RBMS1: variants seen among roughly 807,000 people sequenced by gnomAD.
The protein encoded by RBMS1 is RNA binding motif single stranded interacting protein 1, also known as RNA-binding motif, single-stranded-interacting protein 1.
RBMS1 carries 17 observed loss-of-function variants against 62.3 expected under a neutral mutation model. The ratio of observed to expected loss-of-function variants is 0.27; its 90% CI spans 0.19 to 0.41. The LOEUF (loss-of-function observed/expected upper bound fraction) is 0.41, where lower values mean the gene tolerates loss of function less well. Among genes scored for constraint, RBMS1 ranks in the 10% least tolerant of loss-of-function variants. RBMS1 has a pLI of 1.00. For synonymous variants in RBMS1, 172 were observed against 170.0 expected (o/e 1.01, Z -0.09); for missense variants, 334 against 504.5 (o/e 0.66, Z 3.24).
At chr2:160,432,164 G>A (rs1182149444) in intron 1 of RBMS1, among the ~76,000 whole-genome samples, 1 of 152,110 alleles carries the variant, frequency 6.6e-6, no homozygotes, top group East Asian at 1.9e-4. Flanking sequence ...AAGATACAAA[G>A]AAGAATCTGA....
At chr2:160,293,184 T>C (rs1574227931) in intron 6 of RBMS1, among the ~76,000 whole-genome samples, 1 of 152,310 alleles carries the variant, frequency 6.6e-6, no homozygotes, top group East Asian at 1.9e-4. Flanking sequence ...AGAGAAATAT[T>C]AAGGGAACAA....
intron 1 of RBMS1, among the ~76,000 whole-genome samples, chr2:160,430,926 G>T (rs891214312): frequency 3.3e-5 from 5 of 151,570 alleles, no homozygotes; most frequent in Non-Finnish European, 7.4e-5. Context: ...TTAGCACCAG[G>T]TCCTTTGCAT....
intron 1 of RBMS1, among the ~76,000 whole-genome samples, chr2:160,473,152 T>C (rs1170647022): frequency 6.6e-6 from 1 of 152,210 alleles, no homozygotes; most frequent in African/African-American, 2.4e-5. Flanking sequence ...CCTTGATTAG[T>C]GCAGATTGCT....
intron 1 of RBMS1, among the ~76,000 whole-genome samples, chr2:160,424,151 T>C (rs2105274371): frequency 6.6e-6 from 1 of 151,972 alleles, no homozygotes; most frequent in Middle Eastern, 3.4e-3. Context: ...CCCAAGTAGC[T>C]GGGATTACAG....
intron 2 of RBMS1, among the ~76,000 whole-genome samples, chr2:160,335,769 TC>T (rs1453940042): frequency 6.6e-6 from 1 of 152,182 alleles, no homozygotes; most frequent in African/African-American, 2.4e-5. Flanking sequence ...GTTCTTAGCT[TC>T]CCTTTGTGTC....
At chr2:160,442,497 A>T (rs905020549) in intron 1 of RBMS1, among the ~76,000 whole-genome samples, 1 of 152,238 alleles carries the variant, frequency 6.6e-6, no homozygotes, top group South Asian at 2.1e-4. Context: ...TTTCTGCTGC[A>T]TTCAACATTC....
intron 1 of RBMS1, among the ~76,000 whole-genome samples, chr2:160,413,913 A>C (rs1696119393): frequency 6.6e-6 from 1 of 152,208 alleles, no homozygotes; most frequent in Non-Finnish European, 1.5e-5. Context: ...CTTTGACTCC[A>C]AAGTCCCCTG....
At chr2:160,324,097 A>G (rs557545727) in intron 2 of RBMS1, among the ~76,000 whole-genome samples, 1 of 152,360 alleles carries the variant, frequency 6.6e-6, no homozygotes, top group Admixed American at 6.5e-5. Flanking sequence ...TACAAAAGAA[A>G]CACAAGCTTA....
chr2:160,304,247 C>T (rs1689366823), intron 4 of RBMS1, among the ~76,000 whole-genome samples: 1 of 152,082 alleles, frequency 6.6e-6, no homozygotes, highest in African/African-American at 2.4e-5. Context: ...TTCAGCTTTC[C>T]TACTTAAGCA....
chr2:160,331,586 AAGG>A (rs1691277000), intron 2 of RBMS1, among the ~76,000 whole-genome samples: 1 of 152,208 alleles, frequency 6.6e-6, no homozygotes, highest in Non-Finnish European at 1.5e-5. Flanking sequence ...ATTCAGAAGA[AAGG>A]AGTGGAGGAA....
chr2:160,323,745 G>C (rs1239669107), intron 2 of RBMS1, among the ~76,000 whole-genome samples: 1 of 151,974 alleles, frequency 6.6e-6, no homozygotes, highest in Non-Finnish European at 1.5e-5. Flanking sequence ...ATCCACTCCA[G>C]AGCAAGCTCT....
At chr2:160,308,792 C>G (rs1689691565) in intron 4 of RBMS1, among the ~76,000 whole-genome samples, 1 of 152,134 alleles carries the variant, frequency 6.6e-6, no homozygotes, top group South Asian at 2.1e-4. Flanking sequence ...CATTTTCAAC[C>G]TGGGGGAAAG....
intron 1 of RBMS1, among the ~76,000 whole-genome samples, chr2:160,486,932 G>A (rs1364497416): frequency 6.6e-6 from 1 of 152,238 alleles, no homozygotes; most frequent in Admixed American, 6.5e-5. Flanking sequence ...TTATATTTCT[G>A]TATAACCACT....
chr2:160,345,796 T>C (rs1158081020), intron 2 of RBMS1, among the ~76,000 whole-genome samples: 1 of 152,096 alleles, frequency 6.6e-6, no homozygotes, highest in Non-Finnish European at 1.5e-5. Context: ...GTTAAATATT[T>C]TGATGATCAC....
chr2:160,439,182 C>A (rs1263504067), intron 1 of RBMS1, among the ~76,000 whole-genome samples: 1 of 151,060 alleles, frequency 6.6e-6, no homozygotes. Context: ...GGCGGCTGGC[C>A]GGACGGGGGG....
intron 1 of RBMS1, among the ~76,000 whole-genome samples, chr2:160,478,144 T>A (rs936662419): frequency 6.6e-6 from 1 of 152,192 alleles, no homozygotes; most frequent in African/African-American, 2.4e-5. Flanking sequence ...CTATGACACT[T>A]GTCAAATAAT....
At chr2:160,492,250 T>A (rs1685863509) in intron 1 of RBMS1, among the ~76,000 whole-genome samples, 1 of 152,122 alleles carries the variant, frequency 6.6e-6, no homozygotes. Context: ...GCGTCCAACT[T>A]CCACCCTCCC....
chr2:160,384,112 G>A (rs1573973016), intron 1 of RBMS1, among the ~76,000 whole-genome samples: 1 of 152,214 alleles, frequency 6.6e-6, no homozygotes, highest in Non-Finnish European at 1.5e-5. Context: ...CAGGAGAATG[G>A]TGTGAACCTG....
chr2:160,427,708 T>C (rs1682696234), intron 1 of RBMS1, among the ~76,000 whole-genome samples: 1 of 152,242 alleles, frequency 6.6e-6, no homozygotes, highest in Non-Finnish European at 1.5e-5. Context: ...TAATGGTTTC[T>C]GTTGGGTATT....
Sources: gnomAD v4.1 joint callset for allele counts (sites outside exome capture counted in the v4.1 genomes callset) on GRCh38, gnomAD v4.1.1 for gene constraint, MANE v1.5 for transcripts, NCBI Gene and HGNC (gene_info 2026-07-23, HGNC 2026-07-21) for gene names.